SEMA4D: variants seen among roughly 807,000 people sequenced by gnomAD.
The protein encoded by SEMA4D is semaphorin-4D.
SEMA4D carries 22 observed loss-of-function variants against 74.8 expected under a neutral mutation model. The ratio of observed to expected loss-of-function variants is 0.29; its 90% confidence interval spans 0.21 to 0.42. The LOEUF is 0.42. Among genes scored for constraint, SEMA4D ranks in the 10% least tolerant of loss-of-function variants. SEMA4D has a pLI of 1.00. For synonymous variants in SEMA4D, 445 were observed against 463.7 expected, an observed-to-expected ratio of 0.96 and a Z score of 0.52; for missense variants, 937 against 1,118.4, an observed-to-expected ratio of 0.84 and a Z score of 2.31.
At chr9:89,422,140 C>T (rs986762426) in intron 2 of SEMA4D, among the ~76,000 whole-genome samples, 1 of 152,170 alleles carries the variant, frequency 6.6e-6, no homozygotes, top group Non-Finnish European at 1.5e-5. Context: ...GATCCCAGCT[C>T]GGGTGTCTCC....
chr9:89,445,247 G>A (rs77573077), intron 2 of SEMA4D, among the ~76,000 whole-genome samples: 5 of 152,174 alleles, frequency 3.3e-5, no homozygotes, highest in African/African-American at 4.8e-5. Context: ...TCTTTGGACC[G>A]TGAGTGCTGC....
intron 1 of SEMA4D, among the ~76,000 whole-genome samples, chr9:89,482,702 T>A: frequency 6.6e-6 from 1 of 152,068 alleles, no homozygotes; most frequent in South Asian, 2.1e-4. Flanking sequence ...GGCTTCAGAG[T>A]AGTCCTGACA....
At chr9:89,487,012 T>C (rs757666090) in intron 1 of SEMA4D, among the ~76,000 whole-genome samples, 1 of 152,044 alleles carries the variant, frequency 6.6e-6, no homozygotes, top group African/African-American at 2.4e-5. Context: ...ACTTCTCAAA[T>C]CATTGTGTGG....
chr9:89,378,748 T>TGACGTCAAAGG lies in SEMA4D; in HGVS notation c.2534_2544dup (p.Lys849ProfsTer8). The TGACGTCAAAGG allele has an allele frequency of 6.2e-7, 1 of 1,614,194 alleles. No homozygotes were observed. Among genetic ancestry groups the TGACGTCAAAGG allele is most frequent in the East Asian group, 2.2e-5 (1 of 44,892 alleles). ...GAGTCAGCGAACTTCAGCTCACACT[T>TGACGTCAAAGG]GACGTCAAAGGGCTTGTCCCTGGCA... On this transcript the variant is annotated frameshift_variant, in exon 16 of 16. Transcript: ENST00000422704. LOFTEE classifies it high-confidence loss of function.
At chr9:89,403,293 TGAGTCG>T (rs1842596046) in intron 3 of SEMA4D, among the ~76,000 whole-genome samples, 1 of 152,210 alleles carries the variant, frequency 6.6e-6, no homozygotes, top group Admixed American at 6.5e-5. Flanking sequence ...TTTGAAGCTG[TGAGTCG>T]GACATCCCTT....
chr9:89,380,935 C>A, intron 15 of SEMA4D, 120 bp downstream of exon 15: 1 of 1,219,488 alleles, frequency 8.2e-7, no homozygotes, highest in South Asian at 1.3e-5. Context: ...CACTTGACCT[C>A]TGTTCCGAGT....
At chr9:89,395,579 G>A (rs1175237498) in intron 6 of SEMA4D, among the ~76,000 whole-genome samples, 1 of 152,144 alleles carries the variant, frequency 6.6e-6, no homozygotes. Flanking sequence ...CCTTTGTTGT[G>A]CAAAATGTTT....
chr9:89,475,308 T>C (rs1162393078), intron 1 of SEMA4D, among the ~76,000 whole-genome samples: 3 of 152,172 alleles, frequency 2.0e-5, no homozygotes, highest in African/African-American at 7.2e-5. Context: ...GGCCCCCAGA[T>C]CCTGAGCCTC....
At chr9:89,414,165 G>T (rs1845177849) in intron 2 of SEMA4D, among the ~76,000 whole-genome samples, 2 of 152,216 alleles carry the variant, frequency 1.3e-5, no homozygotes, top group Admixed American at 1.3e-4. Flanking sequence ...GCCAGCAACA[G>T]GATGCAACAC....
In SEMA4D at chr9:89,377,253, C is replaced by T. The variant is rs1330242463; in HGVS notation, c.*1451G>A. 3 of 704,560 alleles carry T rather than the reference C, an allele frequency of 4.3e-6. No homozygotes were observed. The highest frequency in any genetic ancestry group is 3.6e-5 in the African/African-American group (2 of 55,776). The allele number at this position is 704,560 out of a possible 1,614,324, so 43.6% of individuals were successfully genotyped here. On this transcript the variant is annotated 3_prime_UTR_variant, in exon 16 of 16. Coordinates refer to ENST00000422704, the MANE Select transcript of SEMA4D (RefSeq NM_001371194.2). Reference sequence around the variant, plus strand: ...CCCCAAATCAAGGATAGAAGCTTCTCATTTATTTGGGTACTTTCCAAATGT... The same window carrying T: ...CCCCAAATCAAGGATAGAAGCTTCTTATTTATTTGGGTACTTTCCAAATGT...
chr9:89,438,673 CT>C (rs112699856), intron 2 of SEMA4D, among the ~76,000 whole-genome samples: 3 of 149,310 alleles, frequency 2.0e-5, no homozygotes, highest in South Asian at 2.1e-4. Flanking sequence ...TTTTTCTTTT[CT>C]TTTTTTTTTA....
chr9:89,375,066 T>C (rs1835603581), downstream of SEMA4D, among the ~76,000 whole-genome samples: 1 of 151,856 alleles, frequency 6.6e-6, no homozygotes, highest in African/African-American at 2.4e-5. Context: ...AATAAATAAA[T>C]AAATAACCAA....
At chr9:89,439,125 G>T (rs1851153788) in intron 2 of SEMA4D, among the ~76,000 whole-genome samples, 1 of 151,738 alleles carries the variant, frequency 6.6e-6, no homozygotes, top group Admixed American at 6.6e-5. Context: ...GGGATTACAG[G>T]CACCCACCAC....
At chr9:89,420,545 T>C (rs1445560832) in intron 2 of SEMA4D, among the ~76,000 whole-genome samples, 1 of 152,264 alleles carries the variant, frequency 6.6e-6, no homozygotes, top group East Asian at 1.9e-4. Flanking sequence ...CGCCCAGGCC[T>C]TGCGAACAGG....
chr9:89,421,051 C>A (rs1846822809), intron 2 of SEMA4D, among the ~76,000 whole-genome samples: 1 of 152,258 alleles, frequency 6.6e-6, no homozygotes, highest in Non-Finnish European at 1.5e-5. Flanking sequence ...ACAACCCCTA[C>A]TGCCAGGGAC....
Position 89,378,439 on chromosome 9 carries a change from C to T in SEMA4D, c.*265G>A, listed in dbSNP as rs1037993412. On this transcript the variant is annotated 3_prime_UTR_variant, in exon 16 of 16. Transcript: ENST00000422704. The stretch of plus-strand genomic sequence containing the variant: ...GAAAGGGCTCAGGAACTCCGTGCCG[C>T]CCGTGGGCCTTCTTCAAGTACTCCG... 1 of 435,378 alleles carries T rather than the reference C, an allele frequency of 2.3e-6. No homozygotes were observed. Among genetic ancestry groups the T allele is most frequent in the Non-Finnish European group, 4.2e-6 (1 of 240,760 alleles). 27.0% of individuals were successfully genotyped at this position (435,378 alleles called of 1,614,324 possible).
At chr9:89,448,635 C>T (rs1323874199) in intron 2 of SEMA4D, among the ~76,000 whole-genome samples, 2 of 152,224 alleles carry the variant, frequency 1.3e-5, no homozygotes, top group Non-Finnish European at 2.9e-5. Context: ...GGCCTCTGCA[C>T]ATAGATGAGA....
intron 2 of SEMA4D, chr9:89,450,686 A>AAAAAAAAAAAAAAAAAAAAAAAC: frequency 1.1e-6 from 1 of 945,102 alleles, no homozygotes; most frequent in Non-Finnish European, 1.6e-6. Flanking sequence ...AAAAAAAAAA[A>AAAAAAAAAAAAAAAAAAAAAAAC]AGGCCTCCAA....
chr9:89,378,035 A>C lies in SEMA4D; in HGVS notation c.*669T>G, dbSNP rs1299017739. ...GGGAGTGTTTATGTCTACATTTCTA[A>C]AAGCAGAAAGAATGCATTTAGCAAA... On this transcript the variant is annotated 3_prime_UTR_variant, in exon 16 of 16. Coordinates refer to ENST00000422704, the MANE Select transcript of SEMA4D (RefSeq NM_001371194.2). 6.6e-6 allele frequency: 1 copy of C among 152,608 alleles called. No homozygotes were observed. The highest frequency in any genetic ancestry group is 1.5e-5 in the Non-Finnish European group (1 of 68,030). The allele number at this position is 152,608 out of a possible 1,614,324, so 9.5% of individuals were successfully genotyped here. A position where few individuals can be genotyped will look rare whatever the true frequency, so the allele number is the denominator to read the frequency against.
Sources: allele counts gnomAD v4.1 joint callset (sites outside exome capture counted in the v4.1 genomes callset), GRCh38; gene constraint gnomAD v4.1.1; transcripts MANE v1.5; gene names NCBI Gene and HGNC (gene_info 2026-07-23, HGNC 2026-07-21).